The following IL31RA variants were observed in gnomAD, a reference collection of about 807,000 sequenced individuals.
The protein encoded by IL31RA is interleukin 31 receptor A, also known as interleukin-31 receptor subunit alpha.
IL31RA carries 66 observed loss-of-function variants against 83.7 expected under a neutral mutation model. The observed-to-expected ratio is 0.79, with a 90% CI of 0.65 to 0.97. The LOEUF is 0.97. Among genes scored for constraint, IL31RA ranks in the 50% least tolerant of loss-of-function variants. The pLI, the probability that IL31RA is intolerant of heterozygous loss-of-function variation, is 0.00. For missense variants in IL31RA, 798 were observed against 919.4 expected (o/e 0.87, Z 1.71); for synonymous variants, 325 against 329.0 (o/e 0.99, Z 0.13).
intron 5 of IL31RA, among the ~76,000 whole-genome samples, chr5:55,888,054 A>AT (rs1298637500): frequency 1.3e-5 from 2 of 151,842 alleles, no homozygotes; most frequent in Non-Finnish European, 2.9e-5. Context: ...AAAAAAAAAA[A>AT]CAAAAAACCA....
In IL31RA at chr5:55,922,698, T is replaced by C. The variant is rs111404331; in HGVS notation, c.*5578T>C. ...AATGCTTTTGTATTTGGGCCTTTCA[T>C]ACAAAAAAGCCATAATACCATTTTC... On this transcript the variant is annotated 3_prime_UTR_variant, in exon 15 of 15. Transcript: ENST00000652347. The C allele has an allele frequency of 6.3e-3, 2,981 of 474,162 alleles. 14 individuals carry two copies. Among genetic ancestry groups the C allele is most frequent in the Non-Finnish European group, 9.2e-3 (2,478 of 269,554 alleles). The allele number at this position is 474,162 out of a possible 1,614,324, so 29.4% of individuals were successfully genotyped here.
intron 5 of IL31RA, among the ~76,000 whole-genome samples, chr5:55,885,946 T>A (rs1747569686): frequency 6.6e-6 from 1 of 152,186 alleles, no homozygotes; most frequent in Non-Finnish European, 1.5e-5. Context: ...TAATTCCTTC[T>A]ATTTGGCTGA....
intron 4 of IL31RA, among the ~76,000 whole-genome samples, chr5:55,880,121 C>T (rs1202223857): frequency 1.3e-5 from 2 of 152,040 alleles, no homozygotes; most frequent in African/African-American, 4.8e-5. Flanking sequence ...AAATGATTCA[C>T]CTAAAAAAAT....
rs1371272681 is a variant in IL31RA, at chr5:55,859,559, ACT to A, written c.115_116del (p.Leu39ValfsTer17). The A allele has an allele frequency of 1.9e-6, 3 of 1,612,954 alleles. No individual in the cohort carries two copies. ...VNLGMMWTWA[L>X]WMLPSLCKFS... ...ACCTGGGGATGATGTGGACCTGGGC[ACT>A]GTGGATGCTCCCCTCACTCTGCAAA... is the stretch of plus-strand genomic sequence containing the variant. On this transcript the variant is annotated frameshift_variant, in exon 2 of 15. Transcript: ENST00000652347. LOFTEE classifies it high-confidence loss of function.
At chr5:55,872,168 A>G (rs1746549348) in intron 3 of IL31RA, 102 bp from the exon 4 acceptor site, 5 of 865,670 alleles carry the variant, frequency 5.8e-6, no homozygotes, top group Non-Finnish European at 9.4e-6. Flanking sequence ...TTCTCAAGAA[A>G]ACCCAGAGAA....
Position 55,851,476 on chromosome 5 carries a change from G to A in IL31RA, c.-95G>A. 6.2e-7 allele frequency: 1 copy of A among 1,611,398 alleles called. No homozygotes were observed. Among genetic ancestry groups the A allele is most frequent in the Non-Finnish European group, 8.5e-7 (1 of 1,178,072 alleles). On this transcript the variant is annotated 5_prime_UTR_variant, in exon 1 of 15. Transcript: ENST00000652347. ...TTGCAAAAAAAAATAGTAATAACCA[G>A]CATGGCACTAAATAGACCATGAAAA... is the stretch of plus-strand genomic sequence containing the variant.
upstream of IL31RA, chr5:55,851,267 A>G (rs984185643): frequency 1.1e-5 from 5 of 460,912 alleles, no homozygotes; most frequent in Admixed American, 1.7e-4. Context: ...TACATTGTTG[A>G]TTCATCAACA....
At chr5:55,910,801 C>G in intron 12 of IL31RA, 129 bp downstream of exon 12, 3 of 1,028,684 alleles carry the variant, frequency 2.9e-6, no homozygotes, top group Admixed American at 1.7e-5. Flanking sequence ...CCATCCTGCT[C>G]TCTGTTCACC....
chr5:55,842,756 C>T, the IL31RA span, among the ~76,000 whole-genome samples: 20 of 152,284 alleles, frequency 1.3e-4, no homozygotes, highest in African/African-American at 4.3e-4. Context: ...GTTTTGCTTC[C>T]GCAGTGTCAA....
Position 55,922,520 on chromosome 5 carries a change from T to C in IL31RA, c.*5400T>C. ...GTTTTCCAACTAGGAAGACTGAATC[T>C]GTGGCCCCAAGAGAACCATCTCTGA... On this transcript the variant is annotated 3_prime_UTR_variant, in exon 15 of 15. Transcript: ENST00000652347. 39 of 1,155,692 alleles carry C rather than the reference T, an allele frequency of 3.4e-5. No individual in the cohort carries two copies. The highest frequency in any genetic ancestry group is 4.9e-5 in the Non-Finnish European group (39 of 799,796). The allele number at this position is 1,155,692 out of a possible 1,614,324, so 71.6% of individuals were successfully genotyped here. A position where few individuals can be genotyped will look rare whatever the true frequency, so the allele number is the denominator to read the frequency against.
At chr5:55,871,226 G>A (rs573933467) in intron 3 of IL31RA, among the ~76,000 whole-genome samples, 74 of 152,278 alleles carry the variant, frequency 4.9e-4, no homozygotes, top group Non-Finnish European at 9.0e-4. Context: ...TTATAACCAC[G>A]ACACATTGCC....
chr5:55,902,125 G>T (rs1412993751), intron 8 of IL31RA, among the ~76,000 whole-genome samples: 1 of 151,978 alleles, frequency 6.6e-6, no homozygotes, highest in Non-Finnish European at 1.5e-5. Context: ...AAATCTGGTT[G>T]GACACTTGTT....
intron 6 of IL31RA, among the ~76,000 whole-genome samples, chr5:55,894,310 C>G (rs1031463760): frequency 1.3e-5 from 2 of 152,114 alleles, no homozygotes; most frequent in Non-Finnish European, 2.9e-5. Context: ...TTGGCCACTG[C>G]TTACATCTCA....
intron 4 of IL31RA, among the ~76,000 whole-genome samples, chr5:55,876,635 C>A (rs1181556703): frequency 6.6e-6 from 1 of 152,178 alleles, no homozygotes; most frequent in African/African-American, 2.4e-5. Flanking sequence ...TATGCCCACC[C>A]TGCTCTCTTT....
chr5:55,907,383 A>G lies in IL31RA; in HGVS notation c.1277A>G (p.Tyr426Cys), dbSNP rs1175766606. ...GATAAATTAAAACCTTTCTGGTGCT[A>G]TAACATCTCTGTGTATCCAATGTTG... The part of the protein sequence containing the change: ...QQDKLKPFWC[Y>C]NISVYPMLHD... The change falls in exon 10 of 15, where the codon TAT becomes TGT. Residue 426 changes from tyrosine to cysteine, a missense_variant. Physicochemically the swap from Tyr to Cys is radical, Grantham distance 194 (BLOSUM62 -2). Coordinates refer to ENST00000652347, the MANE Select transcript of IL31RA (RefSeq NM_139017.7). The G allele has an allele frequency of 1.9e-6, 3 of 1,613,270 alleles. No individual in the cohort carries two copies. The highest frequency in any genetic ancestry group is 2.5e-6 in the Non-Finnish European group (3 of 1,179,202).
At chr5:55,867,546 A>T (rs1746264930) in intron 2 of IL31RA, among the ~76,000 whole-genome samples, 1 of 152,112 alleles carries the variant, frequency 6.6e-6, no homozygotes, top group African/African-American at 2.4e-5. Context: ...TAACACATTA[A>T]ATAAGAAGAC....
upstream of IL31RA, among the ~76,000 whole-genome samples, chr5:55,847,878 C>T (rs961097956): frequency 6.6e-6 from 1 of 152,120 alleles, no homozygotes; most frequent in Admixed American, 6.5e-5. Context: ...GTTTTCATGA[C>T]CCTGATGGTT....
At chr5:55,908,638 GA>G in intron 11 of IL31RA, 1 of 1,542,270 alleles carries the variant, frequency 6.5e-7, no homozygotes. Flanking sequence ...GAGTCCTGAG[GA>G]AATGGAAGGA....
In IL31RA at chr5:55,851,368, C is replaced by A; in HGVS notation, c.-203C>A. The A allele has an allele frequency of 1.3e-6, 1 of 795,466 alleles. No individual in the cohort carries two copies. Among genetic ancestry groups the A allele is most frequent in the South Asian group, 1.7e-5 (1 of 58,670 alleles). The allele number at this position is 795,466 out of a possible 1,614,324, so 49.3% of individuals were successfully genotyped here. Reference sequence around the variant, plus strand: ...TTTCTCCATGAGGCACAGCCTCCTTCTGCTTAGGAACACCAGACAGCACTC... The same window carrying A: ...TTTCTCCATGAGGCACAGCCTCCTTATGCTTAGGAACACCAGACAGCACTC... On this transcript the variant is annotated 5_prime_UTR_variant, in exon 1 of 15. The change creates a new upstream start codon in the 5' untranslated region. Transcript: ENST00000652347.
Sources: gnomAD v4.1 joint callset for allele counts (sites outside exome capture counted in the v4.1 genomes callset) on GRCh38, gnomAD v4.1.1 for gene constraint, MANE v1.5 for transcripts, NCBI Gene and HGNC (gene_info 2026-07-23, HGNC 2026-07-21) for gene names.